Variants in SBNO1 observed in about 807,000 individuals in gnomAD.
SBNO1 encodes the protein protein strawberry notch homolog 1.
Under a neutral mutation model 173.6 loss-of-function variants are expected in SBNO1, and 23 were observed. The observed-to-expected ratio is 0.13, with a 90% CI of 0.10 to 0.19. The LOEUF is 0.19. Among genes scored for constraint, SBNO1 ranks in the 10% least tolerant of loss-of-function variants. The pLI is 1.00. For missense variants in SBNO1, 1,238 were observed against 1,671.2 expected (o/e 0.74, Z 4.52); for synonymous variants, 632 against 571.5 (o/e 1.11, Z -1.51).
intron 6 of SBNO1, among the ~76,000 whole-genome samples, chr12:123,335,769 A>G (rs1871766457): frequency 6.6e-6 from 1 of 152,252 alleles, no homozygotes; most frequent in Admixed American, 6.5e-5. Flanking sequence ...TTAAAGGGCC[A>G]TAAACTCTTT....
chr12:123,295,961 G>A lies in SBNO1; in HGVS notation c.4129C>T (p.Gln1377Ter). ...QSQQLAVQQKQLWQQHHPQSI... is the reference protein window; with the variant it reads ...QSQQLAVQQK ...TGAGGGTGATGCTGTTGCCATAGCTGTTTCTGTTGGACCGCAAGCTGTTGA... is the reference window on the plus strand; with the variant it reads ...TGAGGGTGATGCTGTTGCCATAGCTATTTCTGTTGGACCGCAAGCTGTTGA... The change falls in exon 32 of 32, where the codon CAG (glutamine) becomes TAG (stop). Residue 1377 changes from glutamine (Q) to a stop codon, truncating the protein, a stop_gained. Coordinates refer to ENST00000602398, the MANE Select transcript of SBNO1 (RefSeq NM_001167856.3). LOFTEE classifies it high-confidence loss of function. 6.2e-7 allele frequency: 1 copy of A among 1,613,386 alleles called. No homozygotes were observed. The highest frequency in any genetic ancestry group is 2.2e-5 in the East Asian group (1 of 44,874).
chr12:123,348,266 A>ATTTTT, intron 2 of SBNO1, 133 bp from the exon 3 acceptor site: 1 of 528,798 alleles, frequency 1.9e-6, no homozygotes, highest in Non-Finnish European at 3.5e-6. Context: ...CAGCAGATTT[A>ATTTTT]TAATGTAATA....
chr12:123,336,624 C>T (rs1437803294), intron 5 of SBNO1, 133 bp from the exon 6 acceptor site: 7 of 611,496 alleles, frequency 1.1e-5, no homozygotes, highest in South Asian at 6.2e-5. Context: ...TCAATACTCC[C>T]TAAAATCTGG....
chr12:123,356,987 A>G (rs1019264639), intron 1 of SBNO1, among the ~76,000 whole-genome samples: 1 of 152,222 alleles, frequency 6.6e-6, no homozygotes. Context: ...CAGCTGTGAT[A>G]TGACTGACAT....
chr12:123,295,755 T>G lies in SBNO1; in HGVS notation c.*153A>C. On this transcript the variant is annotated 3_prime_UTR_variant, in exon 32 of 32. Transcript: ENST00000602398. ...GCACTGCTGATTTTCAGTTTTGCTA[T>G]CTATTCCAGGTTTGTCCTTACTCCC... is the stretch of plus-strand genomic sequence containing the variant. The G allele has an allele frequency of 1.1e-6, 1 of 877,100 alleles. No homozygotes were observed. The highest frequency in any genetic ancestry group is 1.8e-6 in the Non-Finnish European group (1 of 563,332). The allele number at this position is 877,100 out of a possible 1,614,324, so 54.3% of individuals were successfully genotyped here.
At chr12:123,309,059 G>A (rs572983927) in intron 28 of SBNO1, among the ~76,000 whole-genome samples, 5 of 149,222 alleles carry the variant, frequency 3.4e-5, no homozygotes, top group Middle Eastern at 3.2e-3. Context: ...AACAAAGAGC[G>A]AAACTCTGTC....
In SBNO1 at chr12:123,331,252, G is replaced by A; in HGVS notation, c.1033C>T (p.Arg345Ter). Residue 345 changes from arginine (R) to a stop codon, truncating the protein, a stop_gained, in exon 8 of 32, where the codon CGA becomes TGA. Coordinates refer to ENST00000602398, the MANE Select transcript of SBNO1 (RefSeq NM_001167856.3). LOFTEE classifies it high-confidence loss of function. Reference protein sequence around the residue: ...IYENYLLSRKRALWFSVSNDL... With the variant: ...IYENYLLSRK The stretch of plus-strand genomic sequence containing the variant: ...TTTTTAAACACTTACCACAATGCTC[G>A]TTTTCTACTCAACAAATAATTTTCA... 6.2e-7 allele frequency: 1 copy of A among 1,613,784 alleles called. No individual in the cohort carries two copies. The highest frequency in any genetic ancestry group is 8.5e-7 in the Non-Finnish European group (1 of 1,179,864).
At chr12:123,344,647 G>A (rs1376981405) in intron 4 of SBNO1, among the ~76,000 whole-genome samples, 2 of 152,116 alleles carry the variant, frequency 1.3e-5, no homozygotes, top group Non-Finnish European at 2.9e-5. Context: ...TCAGGAGTTC[G>A]AGACCAGCCT....
intron 2 of SBNO1, among the ~76,000 whole-genome samples, chr12:123,348,783 A>C (rs1873528135): frequency 6.6e-6 from 1 of 151,450 alleles, no homozygotes; most frequent in South Asian, 2.1e-4. Context: ...ACAAATAAAT[A>C]AAACAAATAA....
chr12:123,309,876 AC>A lies in SBNO1; in HGVS notation c.3296-21del. 6.5e-7 allele frequency: 1 copy of A among 1,545,842 alleles called. No homozygotes were observed. Among genetic ancestry groups the A allele is most frequent in the South Asian group, 1.2e-5 (1 of 83,670 alleles). The stretch of plus-strand genomic sequence containing the variant: ...TATAATCTGTAATGACAAAAGATAA[AC>A]GTTTTCATGCAAATGATAATTAAAA... On this transcript the variant is annotated intron_variant, in intron 25 of 31. Transcript: ENST00000602398.
At chr12:123,324,949 C>T (rs1053624951) in intron 15 of SBNO1, among the ~76,000 whole-genome samples, 25 of 152,098 alleles carry the variant, frequency 1.6e-4, no homozygotes, top group East Asian at 5.8e-4. Context: ...GGTGGGACTA[C>T]AGGACGTGTG....
Position 123,315,461 on chromosome 12 carries a change from T to C in SBNO1, c.3049-17A>G. Reference sequence around the variant, plus strand: ...AAGTGCCCCCTGTTAAAAACAAAAATTTCAATCAAGGCACAGGTAACCTTT... The same window carrying C: ...AAGTGCCCCCTGTTAAAAACAAAAACTTCAATCAAGGCACAGGTAACCTTT... On this transcript the variant is annotated splice_polypyrimidine_tract_variant and intron_variant, in intron 22 of 31. Coordinates refer to ENST00000602398, the MANE Select transcript of SBNO1 (RefSeq NM_001167856.3). 6.2e-7 allele frequency: 1 copy of C among 1,609,176 alleles called. No homozygotes were observed. Among genetic ancestry groups the C allele is most frequent in the Non-Finnish European group, 8.5e-7 (1 of 1,175,578 alleles).
intron 5 of SBNO1, among the ~76,000 whole-genome samples, chr12:123,337,808 C>T (rs1209366943): frequency 2.6e-5 from 4 of 152,136 alleles, no homozygotes; most frequent in Admixed American, 1.3e-4. Flanking sequence ...TAACCCTGTC[C>T]TCGCTTATAA....
At chr12:123,297,571 T>C (rs2048652347) in intron 31 of SBNO1, among the ~76,000 whole-genome samples, 1 of 152,142 alleles carries the variant, frequency 6.6e-6, no homozygotes, top group Admixed American at 6.6e-5. Context: ...TGAGAATAGC[T>C]GGCCTAGTCT....
intron 22 of SBNO1, 22 bp downstream of exon 22, chr12:123,315,526 G>A (rs369399689): frequency 1.9e-6 from 3 of 1,575,128 alleles, no homozygotes; most frequent in African/African-American, 2.7e-5. Flanking sequence ...TTTACACACA[G>A]CCACACAACT....
chr12:123,364,401 G>A (rs1204836278), intron 1 of SBNO1: 4 of 985,324 alleles, frequency 4.1e-6, no homozygotes, highest in Non-Finnish European at 4.8e-6. Flanking sequence ...GGTCCAAGAG[G>A]GGTGCCTCCG....
At chr12:123,310,080 A>G (rs2049015222) in intron 25 of SBNO1, among the ~76,000 whole-genome samples, 1 of 152,188 alleles carries the variant, frequency 6.6e-6, no homozygotes, top group South Asian at 2.1e-4. Context: ...TTGCATCTTC[A>G]GCCTCACTTA....
rs1487810556 is a variant in SBNO1 at position 123,342,249 on chromosome 12, T to A, written c.551-1161A>T. Among the ~76,000 whole-genome samples, 4 of 149,718 alleles carry A rather than the reference T, an allele frequency of 2.7e-5. 1 individual carries two copies. The East Asian group carries it at 7.9e-4, about 30-fold the overall frequency. On this transcript the variant is annotated intron_variant, in intron 4 of 31. Transcript: ENST00000602398. The stretch of plus-strand genomic sequence containing the variant: ...TGGGCAACAAGAGTAAAACTCTGTC[T>A]CAAAAAAATTAATTAATTAATTAAT...
intron 4 of SBNO1, among the ~76,000 whole-genome samples, chr12:123,344,094 G>A (rs1465742719): frequency 6.6e-6 from 1 of 152,082 alleles, no homozygotes; most frequent in African/African-American, 2.4e-5. Flanking sequence ...CTGATGTGAG[G>A]AGTACAATGC....
Sources: gnomAD v4.1 joint callset for allele counts (sites outside exome capture counted in the v4.1 genomes callset) on GRCh38, gnomAD v4.1.1 for gene constraint, MANE v1.5 for transcripts, NCBI Gene and HGNC (gene_info 2026-07-23, HGNC 2026-07-21) for gene names.